The following SMARCA2 variants were observed in gnomAD, a reference collection of about 807,000 sequenced individuals.
SMARCA2 encodes SWI/SNF-related matrix-associated actin-dependent regulator of chromatin subfamily A member 2.
In SMARCA2, 61 loss-of-function variants were observed where a neutral mutation model predicts 199.8. The ratio of observed to expected loss-of-function variants is 0.31; its 90% confidence interval spans 0.25 to 0.38. The LOEUF (loss-of-function observed/expected upper bound fraction) is 0.38. Ranked by LOEUF, SMARCA2 falls within the 10% of genes least tolerant of loss-of-function variation. The pLI is 1.00. For synonymous variants in SMARCA2, 935 were observed against 732.0 expected (o/e 1.28, Z -4.48); for missense variants, 1,344 against 2,012.2 (o/e 0.67, Z 6.35).
chr9:2,016,706 C>A lies in SMARCA2; in HGVS notation c.-37+1302C>A, dbSNP rs1186331871. Among the ~76,000 whole-genome samples the A allele has an allele frequency of 1.3e-4, 19 of 151,956 alleles. No individual in the cohort carries two copies. The highest frequency in any genetic ancestry group is 7.9e-4 in the Admixed American group (12 of 15,280). ...GTGGCGAGGGCGGGAGGCGGGGAGA[C>A]CGGGTAGGAGCCTCCTCCCAACGAT... On this transcript the variant is annotated intron_variant, in intron 1 of 33. Coordinates refer to ENST00000349721, the MANE Select transcript of SMARCA2 (RefSeq NM_003070.5). The surrounding 1 kb of genome is among the most constrained non-coding windows in gnomAD (Gnocchi z 5.6).
chr9:2,170,269 T>C lies in SMARCA2; in HGVS notation c.4200-150T>C. On this transcript the variant is annotated intron_variant, in intron 28 of 33. Coordinates refer to ENST00000349721, the MANE Select transcript of SMARCA2 (RefSeq NM_003070.5). The surrounding 1 kb of genome is among the most constrained non-coding windows in gnomAD (Gnocchi z 4.7). ...AACTATGTTATTTTTCCGAATGAGG[T>C]TCCAAACATAACCCCGTGTAATCTT... 1 of 888,832 alleles carries C rather than the reference T, an allele frequency of 1.1e-6. No homozygotes were observed. Among genetic ancestry groups the C allele is most frequent in the Admixed American group, 2.9e-5 (1 of 33,986 alleles). The allele number at this position is 888,832 out of a possible 1,614,324, so 55.1% of individuals were successfully genotyped here.
chr9:2,036,047 G>C (rs1819315936), intron 3 of SMARCA2, among the ~76,000 whole-genome samples: 1 of 152,142 alleles, frequency 6.6e-6, no homozygotes, highest in South Asian at 2.1e-4. Context: ...TTATTTTAGG[G>C]TATTGGTCAA....
At chr9:2,097,064 T>A (rs1413607630) in intron 20 of SMARCA2, 3 of 493,434 alleles carry the variant, frequency 6.1e-6, no homozygotes, top group African/African-American at 1.9e-5. Context: ...TAAAATCCAG[T>A]TTCACTCCCT....
chr9:2,166,535 C>T (rs143957778), intron 28 of SMARCA2, among the ~76,000 whole-genome samples: 2 of 152,096 alleles, frequency 1.3e-5, no homozygotes, highest in South Asian at 2.1e-4. Context: ...TATTCTTATC[C>T]CTGTGTAGTT....
Position 2,072,978 on chromosome 9 carries a change from G to C in SMARCA2, c.1747-234G>C, listed in dbSNP as rs962336709. 15 of 486,036 alleles carry C rather than the reference G, an allele frequency of 3.1e-5. 1 individual carries two copies. The highest frequency in any genetic ancestry group is 2.5e-4 in the African/African-American group (13 of 51,038). 30.1% of individuals were successfully genotyped at this position (486,036 alleles called of 1,614,324 possible). A position where few individuals can be genotyped will look rare whatever the true frequency, so the allele number is the denominator to read the frequency against. On this transcript the variant is annotated intron_variant, in intron 10 of 33. Transcript: ENST00000349721. ...ACTCACAACCTTGGTGATGTATCTG[G>C]TTGCTGGAGCTGAGGTTTGTGCCTG...
chr9:2,148,728 C>T (rs1004788236), intron 27 of SMARCA2, among the ~76,000 whole-genome samples: 3 of 151,542 alleles, frequency 2.0e-5, no homozygotes, highest in Non-Finnish European at 4.4e-5. Context: ...AGGCTGGTCT[C>T]TAACTCATGG....
intron 27 of SMARCA2, among the ~76,000 whole-genome samples, chr9:2,157,106 G>A (rs925537258): frequency 6.6e-6 from 1 of 152,160 alleles, no homozygotes; most frequent in Non-Finnish European, 1.5e-5. Context: ...TTAAAATAAC[G>A]TAGCATCTTT....
intron 27 of SMARCA2, among the ~76,000 whole-genome samples, chr9:2,129,170 G>A (rs1311838497): frequency 6.6e-6 from 1 of 152,198 alleles, no homozygotes; most frequent in Non-Finnish European, 1.5e-5. Flanking sequence ...TGTAATCCCA[G>A]CAGTTTGGGA....
intron 29 of SMARCA2, among the ~76,000 whole-genome samples, chr9:2,180,533 C>T (rs922881711): frequency 1.3e-5 from 2 of 152,112 alleles, no homozygotes; most frequent in Non-Finnish European, 1.5e-5. Flanking sequence ...ATTTTTATGG[C>T]AGTGATTTAT....
intron 17 of SMARCA2, among the ~76,000 whole-genome samples, chr9:2,085,050 G>T (rs998060945): frequency 3.9e-5 from 6 of 152,150 alleles, no homozygotes; most frequent in African/African-American, 9.6e-5. Flanking sequence ...TATTTCTGGG[G>T]TCTATTCTAC....
chr9:2,191,462 G>A, intron 33 of SMARCA2, 54 bp downstream of exon 33: 2 of 1,596,248 alleles, frequency 1.3e-6, no homozygotes, highest in Non-Finnish European at 1.7e-6. Context: ...CCTGCTTGCT[G>A]GCCTCTTGCA....
At chr9:2,175,652 C>G (rs1826530277) in intron 29 of SMARCA2, among the ~76,000 whole-genome samples, 1 of 151,938 alleles carries the variant, frequency 6.6e-6, no homozygotes. Flanking sequence ...TGAAGGTAAC[C>G]CAATTAAAGT....
At chr9:2,022,458 G>T (rs561678615) in intron 1 of SMARCA2, among the ~76,000 whole-genome samples, 1 of 152,226 alleles carries the variant, frequency 6.6e-6, no homozygotes, top group East Asian at 1.9e-4. Context: ...ATCATTAATG[G>T]CTATTATCCA....
chr9:2,088,041 C>G, intron 18 of SMARCA2, among the ~76,000 whole-genome samples: 1 of 152,228 alleles, frequency 6.6e-6, no homozygotes, highest in East Asian at 1.9e-4. Context: ...TCTTGTTCCT[C>G]TTCTTTATAT....
At chr9:2,159,016 T>G in intron 27 of SMARCA2, 1 of 1,608,310 alleles carries the variant, frequency 6.2e-7, no homozygotes, top group Non-Finnish European at 8.5e-7. Flanking sequence ...TTCCAAAACC[T>G]AAATTTAATA....
intron 12 of SMARCA2, 77 bp downstream of exon 12, chr9:2,073,700 G>C: frequency 3.7e-6 from 4 of 1,088,194 alleles, no homozygotes; most frequent in Non-Finnish European, 5.6e-6. Flanking sequence ...ATGTAAGCCC[G>C]GGCCTTGGGT....
Position 2,170,030 on chromosome 9 carries a change from C to T in SMARCA2, c.4200-389C>T, listed in dbSNP as rs1285006888. On this transcript the variant is annotated intron_variant, in intron 28 of 33. Coordinates refer to ENST00000349721, the MANE Select transcript of SMARCA2 (RefSeq NM_003070.5). This position sits in a 1 kb window ranked among gnomAD's most constrained non-coding sequence, Gnocchi z 4.7. The stretch of plus-strand genomic sequence containing the variant: ...TATAACTTTCTGAGGTAAGTATTTC[C>T]CCCATTTTACAAATGAGGGGCTAAA... Among the ~76,000 whole-genome samples the T allele has an allele frequency of 6.6e-6, 1 of 152,070 alleles. No individual in the cohort carries two copies. The highest frequency in any genetic ancestry group is 6.5e-5 in the Admixed American group (1 of 15,268).
rs201000332 is a variant in SMARCA2 at position 2,088,491 on chromosome 9, C to G, written c.2770-9C>G. 3 of 1,569,196 alleles carry G rather than the reference C, an allele frequency of 1.9e-6. No homozygotes were observed. In the African/African-American group the frequency reaches 4.2e-5, roughly 22 times the overall value. On this transcript the variant is annotated splice_polypyrimidine_tract_variant and intron_variant, in intron 18 of 33. Transcript: ENST00000349721. The stretch of plus-strand genomic sequence containing the variant: ...AAAAAATCAAATTCATAATAAGCCT[C>G]TCTTACAGGTGGACTTAAATGAAGA...
At chr9:2,088,914 G>A (rs1053606649) in intron 19 of SMARCA2, among the ~76,000 whole-genome samples, 1 of 135,766 alleles carries the variant, frequency 7.4e-6, no homozygotes, top group Non-Finnish European at 1.5e-5. Context: ...ACCTCATTGA[G>A]TTCACTGTTG....
Sources: allele counts gnomAD v4.1 joint callset (sites outside exome capture counted in the v4.1 genomes callset), GRCh38; gene constraint gnomAD v4.1.1; non-coding constraint Gnocchi (gnomAD v3.1); transcripts MANE v1.5; gene names NCBI Gene and HGNC (gene_info 2026-07-23, HGNC 2026-07-21).